VPS13A: variants seen among roughly 807,000 people sequenced by gnomAD.
VPS13A encodes vacuolar protein sorting 13 homolog A, also known as intermembrane lipid transfer protein VPS13A.
VPS13A carries 264 observed loss-of-function variants against 390.9 expected under a neutral mutation model. The observed-to-expected ratio is 0.68, with a 90% CI of 0.61 to 0.75. The LOEUF (loss-of-function observed/expected upper bound fraction) is 0.75, where lower values mean the gene tolerates loss of function less well. Among genes scored for constraint, VPS13A ranks in the 30% least tolerant of loss-of-function variants. The pLI is 0.00. For missense variants in VPS13A, 3,409 were observed against 3,733.9 expected, an observed-to-expected ratio of 0.91 and a Z score of 2.27; for synonymous variants, 1,231 against 1,227.1, an observed-to-expected ratio of 1.00 and a Z score of -0.07.
At chr9:77,189,978 T>C (rs72740397) in intron 1 of VPS13A, among the ~76,000 whole-genome samples, 8,274 of 152,236 alleles carry the variant, frequency 0.054, 336 homozygotes, top group South Asian at 0.12. Context: ...GTTGAAGTTA[T>C]TAGTTCTAGG....
rs554507488 is a variant in VPS13A, at chr9:77,364,561, G to A, written c.8212-899G>A. Reference sequence around the variant, plus strand: ...GCTGACGTCCTGTTCTTCCCAGGAAGGAAGTCCTCCAATTGAGGACTGGGC... The same window carrying A: ...GCTGACGTCCTGTTCTTCCCAGGAAAGAAGTCCTCCAATTGAGGACTGGGC... On this transcript the variant is annotated intron_variant, in intron 59 of 71. Transcript: ENST00000360280. 2.2e-4 allele frequency among the ~76,000 whole-genome samples: 34 copies of A among 152,306 alleles called. No individual in the cohort carries two copies. In the South Asian group the frequency reaches 6.8e-3, roughly 31 times the overall value.
rs898476058 is a variant in VPS13A at position 77,382,925 on chromosome 9, C to T, written c.9189+838C>T. 5.1e-6 allele frequency: 5 copies of T among 985,078 alleles called. No individual in the cohort carries two copies. In the African/African-American group the frequency reaches 7.0e-5, roughly 14 times the overall value. 61.0% of individuals were successfully genotyped at this position (985,078 alleles called of 1,614,324 possible). A position where few individuals can be genotyped will look rare whatever the true frequency, so the allele number is the denominator to read the frequency against. Reference sequence around the variant, plus strand: ...GATTATGCTGTAGGTAACTAGTAATCATATATAGGCTATACCAGTGTCATG... The same window carrying T: ...GATTATGCTGTAGGTAACTAGTAATTATATATAGGCTATACCAGTGTCATG... On this transcript the variant is annotated intron_variant, in intron 68 of 71. Transcript: ENST00000360280.
At position 77,205,297 on chromosome 9, in the gene VPS13A, T is replaced by TC. The variant is rs778985725; in HGVS notation, c.188-13dup. On this transcript the variant is annotated splice_polypyrimidine_tract_variant and intron_variant, in intron 3 of 71. Transcript: ENST00000360280. ...TAATATTTTTTGTCCTTTTTTTTTT[T>TC]CCCAAAAAAATGTAGGTAATCTTAA... 79 of 1,367,048 alleles carry TC rather than the reference T, an allele frequency of 5.8e-5. No individual in the cohort carries two copies. In the African/African-American group the frequency reaches 6.5e-4, roughly 11 times the overall value. 84.7% of individuals were successfully genotyped at this position (1,367,048 alleles called of 1,614,324 possible). A position where few individuals can be genotyped will look rare whatever the true frequency, so the allele number is the denominator to read the frequency against.
chr9:77,287,148 A>G (rs993982936), intron 31 of VPS13A, among the ~76,000 whole-genome samples: 2 of 148,392 alleles, frequency 1.3e-5, no homozygotes, highest in South Asian at 4.2e-4. Context: ...TTATATATGT[A>G]TAAATACTGG....
chr9:77,406,976 C>CAT (rs1413165172), intron 70 of VPS13A, among the ~76,000 whole-genome samples: 4 of 152,152 alleles, frequency 2.6e-5, no homozygotes, highest in Middle Eastern at 3.2e-3. Context: ...ACCAACGGAG[C>CAT]ATAAATAGTG....
chr9:77,384,485 A>T, intron 68 of VPS13A: 1 of 1,542,878 alleles, frequency 6.5e-7, no homozygotes, highest in Non-Finnish European at 8.9e-7. Flanking sequence ...CTTTAAAATT[A>T]TTCTCACTCT....
At chr9:77,306,967 C>T (rs1412389481) in intron 34 of VPS13A, among the ~76,000 whole-genome samples, 1 of 146,046 alleles carries the variant, frequency 6.8e-6, no homozygotes, top group Non-Finnish European at 1.5e-5. Flanking sequence ...AGGGCAGTGG[C>T]GCGATCTCGG....
At chr9:77,179,778 A>G (rs1335024688) in intron 1 of VPS13A, among the ~76,000 whole-genome samples, 1 of 142,516 alleles carries the variant, frequency 7.0e-6, no homozygotes, top group African/African-American at 2.5e-5. Flanking sequence ...TAGTCACAAA[A>G]TTGTACAACC....
chr9:77,370,164 T>A, intron 63 of VPS13A, 93 bp from the exon 64 acceptor site: 1 of 1,370,610 alleles, frequency 7.3e-7, no homozygotes, highest in Non-Finnish European at 1.0e-6. Context: ...TATCCATTTT[T>A]GTTACTACCT....
intron 50 of VPS13A, among the ~76,000 whole-genome samples, chr9:77,341,415 G>A (rs933353674): frequency 6.6e-6 from 1 of 152,132 alleles, no homozygotes; most frequent in Non-Finnish European, 1.5e-5. Context: ...CAGTCACACT[G>A]CTATATGTCT....
chr9:77,263,169 C>G (rs192642709), intron 23 of VPS13A, among the ~76,000 whole-genome samples: 198 of 149,010 alleles, frequency 1.3e-3, no homozygotes, highest in African/African-American at 4.8e-3. Context: ...TGCAGTGGTG[C>G]GATCTTGGCT....
At chr9:77,291,395 A>G (rs1368185613) in intron 31 of VPS13A, among the ~76,000 whole-genome samples, 3 of 152,194 alleles carry the variant, frequency 2.0e-5, no homozygotes, top group East Asian at 1.9e-4. Flanking sequence ...GCATAGCATA[A>G]TAGAGACTGA....
rs146883086 is a variant in VPS13A at position 77,217,669 on chromosome 9, C to T, written c.755-2285C>T. On this transcript the variant is annotated intron_variant, in intron 10 of 71. Coordinates refer to ENST00000360280, the MANE Select transcript of VPS13A (RefSeq NM_033305.3). ...CTTCTTTTTTTGGCTGAAAAGTATT[C>T]CATGATGTTCATGTACCACATTGTC... Among the ~76,000 whole-genome samples the T allele has an allele frequency of 1.9e-3, 285 of 152,232 alleles. 4 individuals are homozygous for T. The highest frequency in any genetic ancestry group is 6.6e-3 in the African/African-American group (276 of 41,532).
intron 31 of VPS13A, among the ~76,000 whole-genome samples, chr9:77,287,566 A>G (rs1345728185): frequency 6.6e-6 from 1 of 152,222 alleles, no homozygotes; most frequent in Non-Finnish European, 1.5e-5. Context: ...GTAGTTAATC[A>G]GTAATATAAA....
intron 1 of VPS13A, among the ~76,000 whole-genome samples, chr9:77,190,684 A>G (rs1470417681): frequency 6.6e-6 from 1 of 152,174 alleles, no homozygotes. Flanking sequence ...GTCCGGTAGA[A>G]TTTGGTTATG....
At chr9:77,255,962 T>C (rs1033151080) in intron 22 of VPS13A, among the ~76,000 whole-genome samples, 4 of 152,056 alleles carry the variant, frequency 2.6e-5, no homozygotes. Flanking sequence ...TTGTTGATTT[T>C]TTTCTCTATT....
intron 67 of VPS13A, among the ~76,000 whole-genome samples, chr9:77,379,054 T>C (rs1052060481): frequency 2.7e-5 from 4 of 150,448 alleles, no homozygotes; most frequent in African/African-American, 9.7e-5. Flanking sequence ...CATACTTGTA[T>C]ATTTTCAGTC....
chr9:77,270,809 G>A (rs922983868), intron 23 of VPS13A, among the ~76,000 whole-genome samples: 2 of 152,298 alleles, frequency 1.3e-5, no homozygotes, highest in Non-Finnish European at 1.5e-5. Flanking sequence ...TGAAACAACC[G>A]GATTTCCATG....
rs1587358566 is a variant in VPS13A at position 77,221,303 on chromosome 9, A to T, written c.1108A>T (p.Lys370Ter). ...AGTGAAGCAATATAAAGAACTGTAT[A>T]AAAAAAAGTTAACAAGTAAGAAGCC... The part of the protein sequence containing the change: ...QKVKQYKELY[K>*]KKLTSKKPPG... Residue 370 changes from lysine to a stop codon, truncating the protein, a stop_gained, in exon 13 of 72, where the codon AAA (lysine) becomes TAA (stop). Transcript: ENST00000360280. LOFTEE classifies it high-confidence loss of function. 1.9e-6 allele frequency: 3 copies of T among 1,612,790 alleles called. No homozygotes were observed. The highest frequency in any genetic ancestry group is 2.2e-5 in the East Asian group (1 of 44,820).
Sources: gnomAD v4.1 joint callset for allele counts (sites outside exome capture counted in the v4.1 genomes callset) on GRCh38, gnomAD v4.1.1 for gene constraint, MANE v1.5 for transcripts, NCBI Gene and HGNC (gene_info 2026-07-23, HGNC 2026-07-21) for gene names.